The following DMXL2 variants were observed in gnomAD, a reference collection of about 807,000 sequenced individuals.
DMXL2 encodes the protein dmX-like protein 2.
DMXL2 carries 103 observed loss-of-function variants against 331.1 expected under a neutral mutation model. That is an observed-to-expected ratio of 0.31 (90% confidence interval 0.27 to 0.37). The LOEUF (loss-of-function observed/expected upper bound fraction) is 0.37, where lower values mean the gene tolerates loss of function less well. Ranked by LOEUF, DMXL2 falls within the 10% of genes least tolerant of loss-of-function variation. DMXL2 has a pLI of 1.00. For missense variants in DMXL2, 3,171 were observed against 3,642.9 expected, an observed-to-expected ratio of 0.87 and a Z score of 3.33; for synonymous variants, 1,281 against 1,252.1, an observed-to-expected ratio of 1.02 and a Z score of -0.49.
intron 16 of DMXL2, among the ~76,000 whole-genome samples, chr15:51,505,440 C>T (rs899702747): frequency 1.3e-5 from 2 of 152,208 alleles, no homozygotes; most frequent in Non-Finnish European, 2.9e-5. Flanking sequence ...CCTGTTACTA[C>T]CCCTATAAAT....
intron 36 of DMXL2, chr15:51,457,759 A>G (rs923051753): frequency 3.6e-6 from 1 of 276,316 alleles, no homozygotes; most frequent in African/African-American, 2.2e-5. Flanking sequence ...CTTCAAGTAC[A>G]GATAGCTCAG....
chr15:51,456,734 G>A (rs1330426667), intron 37 of DMXL2, among the ~76,000 whole-genome samples: 1 of 152,228 alleles, frequency 6.6e-6, no homozygotes, highest in Non-Finnish European at 1.5e-5. Context: ...ATGCTTTCAA[G>A]CACTTAGAAG....
At chr15:51,501,936 AT>A (rs1446114848) in intron 17 of DMXL2, among the ~76,000 whole-genome samples, 1 of 137,486 alleles carries the variant, frequency 7.3e-6, no homozygotes, top group African/African-American at 2.8e-5. Flanking sequence ...AAAAAAAAAA[AT>A]TTCATTATTT....
intron 1 of DMXL2, among the ~76,000 whole-genome samples, chr15:51,585,449 T>C (rs923625930): frequency 3.3e-5 from 5 of 152,188 alleles, no homozygotes; most frequent in African/African-American, 1.2e-4. Context: ...ACAGTATTAG[T>C]ATTTCATGTT....
intron 36 of DMXL2, chr15:51,457,981 G>C (rs1490080615): frequency 1.3e-5 from 2 of 156,764 alleles, no homozygotes; most frequent in African/African-American, 4.8e-5. Flanking sequence ...CCATCCTCAA[G>C]CATGAACAAT....
intron 13 of DMXL2, among the ~76,000 whole-genome samples, chr15:51,526,290 G>T (rs576660588): frequency 6.6e-6 from 1 of 152,148 alleles, no homozygotes; most frequent in African/African-American, 2.4e-5. Flanking sequence ...TCCAGATCTT[G>T]TCCAAGACCA....
In DMXL2 at chr15:51,489,293, C is replaced by A. The variant is rs534454991; in HGVS notation, c.4954-648G>T. On this transcript the variant is annotated intron_variant, in intron 20 of 43. Transcript: ENST00000560891. ...TTTATTAATTAGCTCACATTGATGG[C>A]AAAGCAGGAAGCTATAATACTAAGG... Among the ~76,000 whole-genome samples, 4 of 152,046 alleles carry A rather than the reference C, an allele frequency of 2.6e-5. No homozygotes were observed. The East Asian group carries it at 7.7e-4, about 29-fold the overall frequency.
intron 7 of DMXL2, among the ~76,000 whole-genome samples, chr15:51,545,995 T>G (rs538629103): frequency 6.6e-6 from 1 of 152,250 alleles, no homozygotes; most frequent in Admixed American, 6.5e-5. Flanking sequence ...ACATTCAGGC[T>G]CTAGAGGATT....
intron 1 of DMXL2, among the ~76,000 whole-genome samples, chr15:51,596,052 A>C (rs2052776671): frequency 6.6e-6 from 1 of 152,250 alleles, no homozygotes; most frequent in South Asian, 2.1e-4. Flanking sequence ...GTGGCAACAA[A>C]AGCCAAAATT....
chr15:51,502,306 T>TTGTGTGTGTGTGTGTGTGTGTGTGTG (rs769283309), intron 17 of DMXL2, among the ~76,000 whole-genome samples: 200 of 140,614 alleles, frequency 1.4e-3, no homozygotes, highest in East Asian at 7.6e-3. Context: ...TTTTGTGGGT[T>TTGTGTGTGTGTGTGTGTGTGTGTGTG]TGTGTGTGTG....
In DMXL2 at chr15:51,449,011, G is replaced by T. The variant is rs201934903; in HGVS notation, c.9150C>A (p.Ile3050=). 6.9e-5 allele frequency: 112 copies of T among 1,614,106 alleles called. 1 individual carries two copies. The African/African-American group carries it at 8.5e-4, about 12-fold the overall frequency. The change falls in exon 44 of 44, where the codon ATC becomes ATA. Residue 3050 remains isoleucine, a synonymous_variant. Coordinates refer to ENST00000560891, the MANE Select transcript of DMXL2 (RefSeq NM_001378457.1). ...KTRVLPNAFN[I]PNRILDIL ...ATAGAATGTCAAGAATTCTGTTAGGGATGTTAAAAGCATTGGGCAAAACCC... is the reference window on the plus strand; with the variant it reads ...ATAGAATGTCAAGAATTCTGTTAGGTATGTTAAAAGCATTGGGCAAAACCC...
In DMXL2 at chr15:51,517,147, A is replaced by G. The variant is rs1201578653; in HGVS notation, c.2457T>C (p.Phe819=). Reference sequence around the variant, plus strand: ...CAGTAGACTGTTGGCTCACAATATTAAACACTTCTCCAATAAGTTTCTGTA... The same window carrying G: ...CAGTAGACTGTTGGCTCACAATATTGAACACTTCTCCAATAAGTTTCTGTA... The part of the protein sequence containing the change: ...PESSKLIGEV[F]NIVSQQSTAR... Residue 819 remains phenylalanine (F), a synonymous_variant, in exon 14 of 44, where the codon TTT becomes TTC. Coordinates refer to ENST00000560891, the MANE Select transcript of DMXL2 (RefSeq NM_001378457.1). The G allele has an allele frequency of 6.2e-7, 1 of 1,613,880 alleles. No individual in the cohort carries two copies.
intron 13 of DMXL2, among the ~76,000 whole-genome samples, chr15:51,522,313 G>A (rs916651023): frequency 2.0e-5 from 3 of 152,166 alleles, no homozygotes; most frequent in African/African-American, 7.2e-5. Context: ...AATGTGCACT[G>A]GTACCTAATG....
chr15:51,525,900 C>T (rs576792604), intron 13 of DMXL2, among the ~76,000 whole-genome samples: 2 of 152,090 alleles, frequency 1.3e-5, no homozygotes, highest in South Asian at 2.1e-4. Context: ...GACACAGGCC[C>T]GGCTGACTTT....
At chr15:51,512,020 A>G (rs1254263462) in intron 15 of DMXL2, among the ~76,000 whole-genome samples, 3 of 152,082 alleles carry the variant, frequency 2.0e-5, no homozygotes, top group African/African-American at 7.2e-5. Flanking sequence ...GGAAGGGAAC[A>G]TCACACACCA....
intron 1 of DMXL2, among the ~76,000 whole-genome samples, chr15:51,611,686 A>G (rs1490070222): frequency 1.3e-5 from 2 of 152,184 alleles, no homozygotes; most frequent in Admixed American, 1.3e-4. Context: ...ACTTCTCAAA[A>G]GTATTAGTAT....
At chr15:51,502,158 G>A (rs142026749) in intron 17 of DMXL2, among the ~76,000 whole-genome samples, 2,826 of 151,232 alleles carry the variant, frequency 0.019, 90 homozygotes, top group African/African-American at 0.064. Context: ...GTGTGAACCC[G>A]GGAGGTGGAG....
intron 21 of DMXL2, 120 bp from the exon 22 acceptor site, chr15:51,488,239 G>C (rs2042539734): frequency 1.0e-6 from 1 of 981,468 alleles, no homozygotes; most frequent in African/African-American, 1.7e-5. Flanking sequence ...TAACTTCAAG[G>C]ACAGGCATTT....
intron 18 of DMXL2, among the ~76,000 whole-genome samples, chr15:51,497,655 G>A (rs1414270239): frequency 1.3e-5 from 2 of 152,124 alleles, no homozygotes; most frequent in Admixed American, 6.6e-5. Context: ...CCTGAACTAT[G>A]TGCATAAAAG....
Sources: allele counts gnomAD v4.1 joint callset (sites outside exome capture counted in the v4.1 genomes callset), GRCh38; gene constraint gnomAD v4.1.1; transcripts MANE v1.5; gene names NCBI Gene and HGNC (gene_info 2026-07-23, HGNC 2026-07-21).